ABLIM2: variants seen among roughly 807,000 people sequenced by gnomAD.
ABLIM2 encodes actin binding LIM protein family member 2.
Under a neutral mutation model 97.7 loss-of-function variants are expected in ABLIM2, and 53 were observed. The observed-to-expected ratio is 0.54, with a 90% CI of 0.44 to 0.68. The LOEUF (loss-of-function observed/expected upper bound fraction) is 0.68, where lower values mean the gene tolerates loss of function less well. Among genes scored for constraint, ABLIM2 ranks in the 30% least tolerant of loss-of-function variants. The probability of loss-of-function intolerance (pLI) is 0.00; values close to 1 mark genes in which losing one functional copy is unlikely to be tolerated. For synonymous variants in ABLIM2, 361 were observed against 345.8 expected, an observed-to-expected ratio of 1.04 and a Z score of -0.49; for missense variants, 835 against 867.2, an observed-to-expected ratio of 0.96 and a Z score of 0.47.
rs1211263883 is a variant in ABLIM2 at position 7,983,571 on chromosome 4, G to T, written c.1736-17C>A. On this transcript the variant is annotated splice_polypyrimidine_tract_variant and intron_variant, in intron 18 of 20. Coordinates refer to ENST00000447017, the MANE Select transcript of ABLIM2 (RefSeq NM_001130083.2). ...CCTTGTATTCTGTAAGAGAGAGAGA[G>T]CGGAGACCACGAAATGGTTTAGAAA... 2 of 1,612,838 alleles carry T rather than the reference G, an allele frequency of 1.2e-6. No homozygotes were observed. Among genetic ancestry groups the T allele is most frequent in the Non-Finnish European group, 1.7e-6 (2 of 1,179,596 alleles).
At chr4:8,000,867 T>A (rs1756678313) in intron 16 of ABLIM2, among the ~76,000 whole-genome samples, 1 of 152,154 alleles carries the variant, frequency 6.6e-6, no homozygotes, top group Non-Finnish European at 1.5e-5. Flanking sequence ...CCTGAGCCTG[T>A]TCTCTGCGGG....
At chr4:8,121,790 C>G (rs1430230124) in intron 1 of ABLIM2, among the ~76,000 whole-genome samples, 2 of 152,202 alleles carry the variant, frequency 1.3e-5, no homozygotes, top group Non-Finnish European at 2.9e-5. Flanking sequence ...AGGGCACTGT[C>G]CAGTGGATGG....
intron 6 of ABLIM2, among the ~76,000 whole-genome samples, chr4:8,064,548 C>A (rs1394035341): frequency 1.3e-5 from 2 of 152,216 alleles, no homozygotes; most frequent in Non-Finnish European, 2.9e-5. Flanking sequence ...GGAAATCCAT[C>A]CTTTTCTTTA....
intron 14 of ABLIM2, among the ~76,000 whole-genome samples, chr4:8,011,383 T>A (rs1400710237): frequency 6.6e-6 from 1 of 152,202 alleles, no homozygotes; most frequent in Non-Finnish European, 1.5e-5. Context: ...ACAGAACAGA[T>A]GACCGAGTCT....
rs1163411062 is a variant in ABLIM2 at position 8,088,270 on chromosome 4, G to A, written c.353C>T (p.Pro118Leu). Reference protein sequence around the residue: ...VCAVCRLPFPPGDRVTFNGKE... With the variant: ...VCAVCRLPFPLGDRVTFNGKE... ...CCCGTTGAAGGTCACTCGGTCCCCG[G>A]GGGGGAAGGGCAGCCTGAAACAAGA... Residue 118 changes from proline (P) to leucine (L), a missense_variant, in exon 4 of 21, where the codon CCC becomes CTC. Transcript: ENST00000447017. The A allele has an allele frequency of 6.2e-7, 1 of 1,612,442 alleles. No homozygotes were observed. The highest frequency in any genetic ancestry group is 1.1e-5 in the South Asian group (1 of 90,916).
intron 7 of ABLIM2, among the ~76,000 whole-genome samples, chr4:8,059,890 G>T (rs959558416): frequency 1.1e-4 from 15 of 138,266 alleles, no homozygotes; most frequent in Non-Finnish European, 1.8e-4. Context: ...CTGGGCAACA[G>T]AGCAAGACTC....
intron 8 of ABLIM2, among the ~76,000 whole-genome samples, chr4:8,047,431 C>A (rs2151823779): frequency 6.6e-6 from 1 of 152,190 alleles, no homozygotes. Flanking sequence ...GCCTGCCCAG[C>A]TTCCTTGGGC....
intron 1 of ABLIM2, among the ~76,000 whole-genome samples, chr4:8,145,769 C>CAT (rs1561633509): frequency 1.3e-5 from 2 of 149,582 alleles, no homozygotes; most frequent in African/African-American, 4.9e-5. Context: ...CACACACACA[C>CAT]ACACACACAC....
intron 1 of ABLIM2, among the ~76,000 whole-genome samples, chr4:8,137,211 A>C (rs1850310846): frequency 6.6e-6 from 1 of 152,168 alleles, no homozygotes; most frequent in South Asian, 2.1e-4. Context: ...TCAGGCCCTT[A>C]GTCCCCAGCA....
intron 8 of ABLIM2, among the ~76,000 whole-genome samples, chr4:8,051,808 C>T (rs1218619604): frequency 6.6e-6 from 1 of 152,168 alleles, no homozygotes; most frequent in Non-Finnish European, 1.5e-5. Context: ...TGTGGAACAT[C>T]AGGGCGCCCT....
intron 6 of ABLIM2, among the ~76,000 whole-genome samples, chr4:8,063,785 T>C (rs1415954400): frequency 1.3e-5 from 2 of 152,244 alleles, no homozygotes; most frequent in Admixed American, 6.5e-5. Context: ...AAACAGCTTA[T>C]CCAGTTTCCC....
In ABLIM2 at chr4:8,005,962, C is replaced by T. The variant is rs1279833258; in HGVS notation, c.1618+2097G>A. On this transcript the variant is annotated intron_variant, in intron 16 of 20. Transcript: ENST00000447017. The surrounding 1 kb of genome is among the most constrained non-coding windows in gnomAD (Gnocchi z 4.9). ...CCCAGCATGCCAGGATGGAGGCAGC[C>T]GCAGCCTGCGTGCATCTGCACAGGC... 2.0e-5 allele frequency among the ~76,000 whole-genome samples: 3 copies of T among 152,198 alleles called. No individual in the cohort carries two copies. Among genetic ancestry groups the T allele is most frequent in the Non-Finnish European group, 2.9e-5 (2 of 68,036 alleles).
intron 1 of ABLIM2, among the ~76,000 whole-genome samples, chr4:8,119,324 C>CTTTTTT (rs71175466): frequency 1.8e-5 from 2 of 108,138 alleles, no homozygotes; most frequent in Non-Finnish European, 3.7e-5. Flanking sequence ...GGGCTTCCTT[C>CTTTTTT]TTTTTTTTTT....
At position 8,053,632 on chromosome 4, in the gene ABLIM2, C is replaced by G. The variant is rs931170034; in HGVS notation, c.822+556G>C. On this transcript the variant is annotated intron_variant, in intron 8 of 20. Coordinates refer to ENST00000447017, the MANE Select transcript of ABLIM2 (RefSeq NM_001130083.2). ...CTCAGCAGGCCAGTCCACAAAGGCT[C>G]TTAGATGCCTCTTTGCTATGTACAC... Among the ~76,000 whole-genome samples the G allele has an allele frequency of 1.6e-4, 24 of 152,178 alleles. 1 individual carries two copies. The highest frequency in any genetic ancestry group is 6.5e-5 in the Admixed American group (1 of 15,286).
chr4:8,156,439 G>GCTTATAAA (rs1715371915), intron 1 of ABLIM2, among the ~76,000 whole-genome samples: 1 of 152,196 alleles, frequency 6.6e-6, no homozygotes, highest in Non-Finnish European at 1.5e-5. Context: ...CTTGCCATGT[G>GCTTATAAA]CTATATAAAC....
intron 3 of ABLIM2, among the ~76,000 whole-genome samples, chr4:8,090,890 T>C (rs1826927978): frequency 6.6e-6 from 1 of 152,096 alleles, no homozygotes. Flanking sequence ...TGCTGGGGGC[T>C]TCTGGGCTGT....
In ABLIM2 at chr4:7,986,778, T is replaced by C. The variant is rs1577988642; in HGVS notation, c.1681-1885A>G. Among the ~76,000 whole-genome samples the C allele has an allele frequency of 6.6e-6, 1 of 152,092 alleles. No homozygotes were observed. Among genetic ancestry groups the C allele is most frequent in the Admixed American group, 6.6e-5 (1 of 15,260 alleles). On this transcript the variant is annotated intron_variant, in intron 17 of 20. Transcript: ENST00000447017. This position sits in a 1 kb window ranked among gnomAD's most constrained non-coding sequence, Gnocchi z 4.3. Reference sequence around the variant, plus strand: ...AACTCCACCTCCCGGGTTCAAGTGATTCTCCTGCCTCAGCCTCCTGAGCAG... The same window carrying C: ...AACTCCACCTCCCGGGTTCAAGTGACTCTCCTGCCTCAGCCTCCTGAGCAG...
rs962335720 is a variant in ABLIM2 at position 8,021,960 on chromosome 4, G to C, written c.1268-1657C>G. ...GTGGCACCCTTGCTGGTCAGGTCAC[G>C]CTCGTCAGGATGCTCCACGGTGGAC... On this transcript the variant is annotated intron_variant, in intron 12 of 20. Coordinates refer to ENST00000447017, the MANE Select transcript of ABLIM2 (RefSeq NM_001130083.2). The surrounding 1 kb of genome is among the most constrained non-coding windows in gnomAD (Gnocchi z 5.5). Among the ~76,000 whole-genome samples, 3 of 152,130 alleles carry C rather than the reference G, an allele frequency of 2.0e-5. No individual in the cohort carries two copies. Among genetic ancestry groups the C allele is most frequent in the African/African-American group, 7.2e-5 (3 of 41,422 alleles).
intron 14 of ABLIM2, among the ~76,000 whole-genome samples, chr4:8,010,896 G>A (rs911302110): frequency 2.6e-5 from 4 of 152,326 alleles, no homozygotes; most frequent in Middle Eastern, 3.4e-3. Flanking sequence ...CAAGTCCCAG[G>A]GAGAAGGCAG....
Sources: allele counts gnomAD v4.1 joint callset (sites outside exome capture counted in the v4.1 genomes callset), GRCh38; gene constraint gnomAD v4.1.1; non-coding constraint Gnocchi (gnomAD v3.1); transcripts MANE v1.5; gene names NCBI Gene and HGNC (gene_info 2026-07-23, HGNC 2026-07-21).